TMPRSS7: variants seen among roughly 807,000 people sequenced by gnomAD.
TMPRSS7 encodes transmembrane serine protease 7, also known as transmembrane protease serine 7.
In TMPRSS7, 81 loss-of-function variants were observed where a neutral mutation model predicts 95.6. The observed-to-expected ratio is 0.85, with a 90% CI of 0.71 to 1.02. The LOEUF is 1.02. TMPRSS7 is among the 50% of genes least tolerant of loss of function. The pLI is 0.00. For synonymous variants in TMPRSS7, 364 were observed against 337.8 expected, an observed-to-expected ratio of 1.08 and a Z score of -0.85; for missense variants, 945 against 955.2, an observed-to-expected ratio of 0.99 and a Z score of 0.14.
intron 3 of TMPRSS7, among the ~76,000 whole-genome samples, chr3:112,043,439 T>C (rs1360123125): frequency 1.3e-5 from 2 of 151,960 alleles, no homozygotes; most frequent in South Asian, 2.1e-4. Flanking sequence ...TACCACTTTA[T>C]AGGTGAAAAA....
intron 2 of TMPRSS7, 43 bp from the exon 3 acceptor site, chr3:112,041,877 C>A: frequency 7.6e-7 from 1 of 1,324,216 alleles, no homozygotes; most frequent in Non-Finnish European, 1.1e-6. Flanking sequence ...TACTGCCACA[C>A]AGATGGGAAA....
intron 9 of TMPRSS7, among the ~76,000 whole-genome samples, chr3:112,053,431 C>G (rs1309122759): frequency 9.2e-5 from 14 of 152,148 alleles, no homozygotes. Context: ...CTCTTGTCCA[C>G]TCAACAATGC....
exon 9 of TMPRSS7, chr3:112,050,781 C>A: frequency 6.3e-7 from 1 of 1,578,164 alleles, no homozygotes; most frequent in Non-Finnish European, 8.6e-7. Flanking sequence ...CTGGAAATTT[C>A]AGGTAGCCTA....
chr3:112,046,233 A>G (rs1466522046), intron 5 of TMPRSS7, among the ~76,000 whole-genome samples: 1 of 152,190 alleles, frequency 6.6e-6, no homozygotes, highest in African/African-American at 2.4e-5. Flanking sequence ...CTAAGTCCCC[A>G]AAGAACAAAA....
rs186847959 is a variant in TMPRSS7, at chr3:112,076,199, T to G, written c.1956-677T>G. Among the ~76,000 whole-genome samples the G allele has an allele frequency of 2.6e-4, 40 of 152,294 alleles. 1 individual carries two copies. In the East Asian group the frequency reaches 5.8e-3, roughly 22 times the overall value. On this transcript the variant is annotated intron_variant, in intron 15 of 17. Coordinates refer to ENST00000452346, the Ensembl canonical transcript of TMPRSS7. ...ACCAAAATTTTGGGGCTTCCTCATT[T>G]TTTTCACTCCCACTCTTTACCCCAC...
At chr3:112,045,652 G>T (rs1576099853) in intron 4 of TMPRSS7, 98 bp from the exon 5 acceptor site, 1 of 1,179,012 alleles carries the variant, frequency 8.5e-7, no homozygotes, top group East Asian at 2.6e-5. Flanking sequence ...TTCAGTTGAA[G>T]GATGTGCTCA....
At chr3:112,075,265 C>A (rs2073697356) in intron 14 of TMPRSS7, 56 bp from the exon 15 acceptor site, 2 of 1,360,692 alleles carry the variant, frequency 1.5e-6, no homozygotes, top group Middle Eastern at 2.0e-4. Context: ...ACTGGCTTAA[C>A]TTCTAGTTTT....
intron 5 of TMPRSS7, 127 bp from the exon 6 acceptor site, chr3:112,046,847 T>A: frequency 1.5e-6 from 1 of 649,100 alleles, no homozygotes; most frequent in Non-Finnish European, 2.8e-6. Flanking sequence ...ACTGGATTAT[T>A]TTAAAGTAAA....
chr3:112,043,146 T>C (rs763599187), intron 3 of TMPRSS7: 1 of 455,674 alleles, frequency 2.2e-6, no homozygotes, highest in Non-Finnish European at 4.4e-6. Flanking sequence ...ACAAACATCA[T>C]AGAGTGTGTG....
intron 10 of TMPRSS7, among the ~76,000 whole-genome samples, chr3:112,059,828 C>T (rs1440097963): frequency 2.0e-5 from 3 of 152,206 alleles, no homozygotes; most frequent in Non-Finnish European, 4.4e-5. Context: ...CACAGGTTAT[C>T]TGTGCTCCTG....
chr3:112,045,963 C>T lies in TMPRSS7; in HGVS notation c.691+20C>T. The T allele has an allele frequency of 1.3e-6, 2 of 1,537,936 alleles. No individual in the cohort carries two copies. Among genetic ancestry groups the T allele is most frequent in the South Asian group, 1.2e-5 (1 of 82,442 alleles). On this transcript the variant is annotated intron_variant, in intron 5 of 17. Coordinates refer to ENST00000452346, the Ensembl canonical transcript of TMPRSS7. ...TAAATGGTGATTGTTGGGTAATTTTCCTTTAGCATTCCTTCCTGCAGGACT... is the reference window on the plus strand; with the variant it reads ...TAAATGGTGATTGTTGGGTAATTTTTCTTTAGCATTCCTTCCTGCAGGACT...
At chr3:112,067,136 A>G (rs1305018291) in intron 13 of TMPRSS7, among the ~76,000 whole-genome samples, 1 of 152,166 alleles carries the variant, frequency 6.6e-6, no homozygotes, top group East Asian at 1.9e-4. Flanking sequence ...AGCTTCATCC[A>G]TGTCCCTGCA....
At chr3:112,043,073 C>G (rs765665495) in intron 3 of TMPRSS7, 2 of 455,910 alleles carry the variant, frequency 4.4e-6, no homozygotes, top group African/African-American at 4.0e-5. Context: ...GGGTACGTCA[C>G]TAAACCCTTT....
intron 1 of TMPRSS7, among the ~76,000 whole-genome samples, chr3:112,037,058 G>T (rs1026380315): frequency 2.6e-5 from 4 of 152,098 alleles, no homozygotes; most frequent in Non-Finnish European, 5.9e-5. Flanking sequence ...TGCACAAATT[G>T]TTCGTAAAGC....
chr3:112,067,161 A>C (rs555485687), intron 13 of TMPRSS7, among the ~76,000 whole-genome samples: 5 of 152,106 alleles, frequency 3.3e-5, no homozygotes, highest in Non-Finnish European at 7.3e-5. Flanking sequence ...ACATGAACTC[A>C]TCCTTTTTTA....
At chr3:112,063,576 C>A in exon 12 of TMPRSS7, 1 of 1,614,042 alleles carries the variant, frequency 6.2e-7, no homozygotes, top group Non-Finnish European at 8.5e-7. Flanking sequence ...GTCCCTCAGG[C>A]CCAGCGTTGT....
chr3:112,053,887 T>G (rs911062798), intron 9 of TMPRSS7, among the ~76,000 whole-genome samples: 1 of 152,244 alleles, frequency 6.6e-6, no homozygotes, highest in African/African-American at 2.4e-5. Context: ...TCCCTTCTTT[T>G]TTGTATTCCA....
exon 12 of TMPRSS7, chr3:112,063,563 T>A (rs766868726): frequency 6.2e-7 from 1 of 1,614,158 alleles, no homozygotes; most frequent in Non-Finnish European, 8.5e-7. Context: ...CTCCGGTTTA[T>A]GTGTCCCTCA....
At chr3:112,052,582 C>T (rs2107745483) in intron 9 of TMPRSS7, among the ~76,000 whole-genome samples, 1 of 152,058 alleles carries the variant, frequency 6.6e-6, no homozygotes, top group South Asian at 2.1e-4. Context: ...AAATGCAGGG[C>T]CTCAGATAAG....
Sources: allele counts gnomAD v4.1 joint callset (sites outside exome capture counted in the v4.1 genomes callset), GRCh38; gene constraint gnomAD v4.1.1; transcripts MANE v1.5; gene names NCBI Gene and HGNC (gene_info 2026-07-23, HGNC 2026-07-21).